The following INPP4B variants were observed in gnomAD, a reference collection of about 807,000 sequenced individuals.
The protein encoded by INPP4B is inositol polyphosphate-4-phosphatase type II B, also known as inositol polyphosphate 4-phosphatase type II.
INPP4B carries 55 observed loss-of-function variants against 122.5 expected under a neutral mutation model. The ratio of observed to expected loss-of-function variants is 0.45; its 90% CI spans 0.36 to 0.56. The LOEUF (loss-of-function observed/expected upper bound fraction) is 0.56. Among genes scored for constraint, INPP4B ranks in the 20% least tolerant of loss-of-function variants. The pLI is 0.00. For missense variants in INPP4B, 1,000 were observed against 1,097.7 expected, an observed-to-expected ratio of 0.91 and a Z score of 1.26; for synonymous variants, 403 against 388.7, an observed-to-expected ratio of 1.04 and a Z score of -0.43.
intron 5 of INPP4B, among the ~76,000 whole-genome samples, chr4:142,415,455 AC>A (rs1194707803): frequency 1.5e-4 from 23 of 152,264 alleles, no homozygotes; most frequent in South Asian, 1.0e-3. Context: ...CCACAATGAT[AC>A]CATCTCACAC....
chr4:142,548,055 G>A (rs72726442), intron 2 of INPP4B, among the ~76,000 whole-genome samples: 18,010 of 152,152 alleles, frequency 0.12, 1,147 homozygotes, highest in African/African-American at 0.15. Context: ...CACTTGAGGT[G>A]GGAAAATAGG....
At chr4:142,490,391 C>A (rs1295196792) in intron 2 of INPP4B, among the ~76,000 whole-genome samples, 1 of 152,032 alleles carries the variant, frequency 6.6e-6, no homozygotes, top group East Asian at 1.9e-4. Context: ...TAATAACCAC[C>A]TGTATGCCTG....
At chr4:142,587,726 A>G (rs1362101045) in intron 2 of INPP4B, among the ~76,000 whole-genome samples, 3 of 152,074 alleles carry the variant, frequency 2.0e-5, no homozygotes, top group Non-Finnish European at 4.4e-5. Context: ...GTACAATTAA[A>G]TTATTTTGAC....
chr4:142,806,240 C>T (rs1778683843), intron 1 of INPP4B, among the ~76,000 whole-genome samples: 1 of 127,450 alleles, frequency 7.8e-6, no homozygotes, highest in African/African-American at 3.1e-5. Context: ...GATGGCACCA[C>T]TGCAGTCTGG....
intron 23 of INPP4B, among the ~76,000 whole-genome samples, chr4:142,091,907 T>C (rs1450532404): frequency 1.3e-5 from 2 of 152,312 alleles, no homozygotes; most frequent in East Asian, 3.9e-4. Context: ...AAATTATGGC[T>C]GCCTTCCCAG....
intron 7 of INPP4B, among the ~76,000 whole-genome samples, chr4:142,372,630 CACATCTCTCT>C: frequency 6.6e-6 from 1 of 152,124 alleles, no homozygotes. Context: ...CAATGATGGG[CACATCTCTCT>C]TCCCAAGGTC....
At position 142,405,270 on chromosome 4, in the gene INPP4B, T is replaced by C; in HGVS notation, c.191A>G (p.Gln64Arg). 1 of 1,613,806 alleles carries C rather than the reference T, an allele frequency of 6.2e-7. No homozygotes were observed. Among genetic ancestry groups the C allele is most frequent in the Non-Finnish European group, 8.5e-7 (1 of 1,179,850 alleles). ...VRDRKLNTLV[Q>R]ISVIHPVEQS... is the part of the protein sequence containing the mutation. ...CTCCACGGGGTGGATTACGGAGATC[T>C]GCACCAGTGTATTCAGTTTACGATC... Residue 64 changes from glutamine to arginine, a missense_variant, in exon 6 of 26, where the codon CAG (glutamine) becomes CGG (arginine). Transcript: ENST00000262992.
intron 7 of INPP4B, among the ~76,000 whole-genome samples, chr4:142,371,786 T>C (rs1420217969): frequency 6.6e-6 from 1 of 151,346 alleles, no homozygotes. Context: ...AAATAACAAA[T>C]GCTGGCAAAT....
chr4:142,824,943 T>A (rs2151164619), intron 1 of INPP4B, among the ~76,000 whole-genome samples: 1 of 152,196 alleles, frequency 6.6e-6, no homozygotes, highest in South Asian at 2.1e-4. Flanking sequence ...TTTTTTTAAG[T>A]TTTTTTCACT....
At chr4:142,783,307 C>T (rs988931751) in intron 1 of INPP4B, among the ~76,000 whole-genome samples, 11 of 152,032 alleles carry the variant, frequency 7.2e-5, no homozygotes, top group African/African-American at 1.9e-4. Context: ...TGAACTCAAA[C>T]AAATTTACAA....
intron 5 of INPP4B, among the ~76,000 whole-genome samples, chr4:142,410,638 C>A (rs1007323055): frequency 6.6e-6 from 1 of 152,060 alleles, no homozygotes; most frequent in African/African-American, 2.4e-5. Context: ...TAAGATAAAA[C>A]CTTATTTGAG....
intron 7 of INPP4B, among the ~76,000 whole-genome samples, chr4:142,398,803 G>T (rs1483563110): frequency 6.6e-6 from 1 of 152,040 alleles, no homozygotes; most frequent in Non-Finnish European, 1.5e-5. Context: ...ATACAGGGTT[G>T]CTAGTAACTG....
At chr4:142,126,377 G>A (rs573399620) in intron 18 of INPP4B, among the ~76,000 whole-genome samples, 16 of 152,054 alleles carry the variant, frequency 1.1e-4, no homozygotes, top group East Asian at 1.9e-4. Context: ...AATCACTATC[G>A]TACCATGTCT....
intron 15 of INPP4B, among the ~76,000 whole-genome samples, chr4:142,189,314 A>T (rs529284789): frequency 2.0e-4 from 31 of 152,268 alleles, no homozygotes; most frequent in Middle Eastern, 3.4e-3. Flanking sequence ...CTCCCATTCT[A>T]GTTTTTAGCA....
intron 21 of INPP4B, among the ~76,000 whole-genome samples, chr4:142,117,279 GA>G (rs765277704): frequency 1.3e-5 from 2 of 151,234 alleles, no homozygotes; most frequent in African/African-American, 2.4e-5. Context: ...CCAATCAATA[GA>G]AAAAAAACGA....
At chr4:142,845,704 A>T (rs1784098528) in intron 1 of INPP4B, among the ~76,000 whole-genome samples, 1 of 152,048 alleles carries the variant, frequency 6.6e-6, no homozygotes, top group Non-Finnish European at 1.5e-5. Flanking sequence ...CACTGCCTCT[A>T]TTCCTTAAGG....
intron 2 of INPP4B, among the ~76,000 whole-genome samples, chr4:142,530,002 A>G (rs1827394091): frequency 6.6e-6 from 1 of 152,082 alleles, no homozygotes; most frequent in African/African-American, 2.4e-5. Context: ...TGAAAGCTAC[A>G]TAGGAACATG....
intron 14 of INPP4B, 73 bp from the exon 15 acceptor site, chr4:142,193,268 A>T (rs1177798936): frequency 3.6e-6 from 3 of 831,510 alleles, no homozygotes; most frequent in East Asian, 4.9e-5. Context: ...GCATTGAAGC[A>T]TACCTATTGT....
At chr4:142,231,590 C>T (rs1261289221) in intron 12 of INPP4B, among the ~76,000 whole-genome samples, 1 of 152,104 alleles carries the variant, frequency 6.6e-6, no homozygotes, top group Non-Finnish European at 1.5e-5. Context: ...TATTCCTTTG[C>T]TATTTTCCTT....
Sources: allele counts gnomAD v4.1 joint callset (sites outside exome capture counted in the v4.1 genomes callset), GRCh38; gene constraint gnomAD v4.1.1; transcripts MANE v1.5; gene names NCBI Gene and HGNC (gene_info 2026-07-23, HGNC 2026-07-21).